DOK3: variants seen among roughly 807,000 people sequenced by gnomAD.
The protein encoded by DOK3 is docking protein 3.
Under a neutral mutation model 26.2 loss-of-function variants are expected in DOK3, and 23 were observed. That is an observed-to-expected ratio of 0.88 (90% CI 0.63 to 1.24). The LOEUF (loss-of-function observed/expected upper bound fraction) is 1.24, where lower values mean the gene tolerates loss of function less well. DOK3 is among the 50% of genes most tolerant of loss of function. The pLI, the probability that DOK3 is intolerant of heterozygous loss-of-function variation, is 0.00. For missense variants in DOK3, 619 were observed against 610.6 expected (o/e 1.01, Z -0.15); for synonymous variants, 268 against 268.2 (o/e 1.00, Z 0.01).
At chr5:177,510,115 C>A (rs337399), upstream of DOK3, 11 of 595,640 alleles carry the variant, frequency 1.8e-5, no homozygotes, top group East Asian at 2.8e-5. Flanking sequence ...CCCCACTGGG[C>A]CTCCATGCAG....
At position 177,508,480 on chromosome 5, in the gene DOK3, C is replaced by T. The variant is rs769576036; in HGVS notation, c.129G>A (p.Leu43=). 4.4e-6 allele frequency: 7 copies of T among 1,590,508 alleles called. No individual in the cohort carries two copies. The highest frequency in any genetic ancestry group is 1.3e-5 in the African/African-American group (1 of 74,576). Residue 43 remains leucine (L), a synonymous_variant, in exon 3 of 6, where the codon CTG becomes CTA. Coordinates refer to ENST00000510898, the MANE Select transcript of DOK3 (RefSeq NM_001308236.3). ...YAGGPSGVAR[L]ESWEVRDGGL... Reference sequence around the variant, plus strand: ...CACCATCCCGGACCTCCCAGCTCTCCAGCCGTGCCACGCCTGATGGGCCTC... The same window carrying T: ...CACCATCCCGGACCTCCCAGCTCTCTAGCCGTGCCACGCCTGATGGGCCTC...
chr5:177,506,191 T>C (rs1384702579), intron 3 of DOK3, among the ~76,000 whole-genome samples: 1 of 152,078 alleles, frequency 6.6e-6, no homozygotes, highest in African/African-American at 2.4e-5. Flanking sequence ...TGACCTCAGG[T>C]GATCCACGTG....
intron 1 of DOK3, 33 bp from the exon 2 acceptor site, chr5:177,509,690 G>T (rs778109626): frequency 2.5e-6 from 4 of 1,601,640 alleles, no homozygotes; most frequent in Admixed American, 3.4e-5. Context: ...CCTGTCTTCA[G>T]CTCAGGGGCT....
At chr5:177,506,880 G>A (rs1329712356) in intron 3 of DOK3, among the ~76,000 whole-genome samples, 5 of 149,580 alleles carry the variant, frequency 3.3e-5, no homozygotes, top group Non-Finnish European at 5.9e-5. Flanking sequence ...GTAGAGACGG[G>A]GTTTCTCCAT....
chr5:177,504,491 G>A lies in DOK3; in HGVS notation c.815C>T (p.Ala272Val). 6.3e-7 allele frequency: 1 copy of A among 1,585,516 alleles called. No homozygotes were observed. Among genetic ancestry groups the A allele is most frequent in the Non-Finnish European group, 8.6e-7 (1 of 1,168,828 alleles). The change falls in exon 6 of 6, where the codon GCC becomes GTC. Residue 272 changes from alanine (A) to valine (V), a missense_variant. Coordinates refer to ENST00000510898, the MANE Select transcript of DOK3 (RefSeq NM_001308236.3). ...TRPQPCPLPR[A>V]TSLPSLDTPG... is the part of the protein sequence containing the mutation. Reference sequence around the variant, plus strand: ...GGTGTCCAGGGAGGGCAGAGAGGTGGCCCGTGGCAGGGGGCAGGGCTGGGG... The same window carrying A: ...GGTGTCCAGGGAGGGCAGAGAGGTGACCCGTGGCAGGGGGCAGGGCTGGGG...
Position 177,509,523 on chromosome 5 carries a change from G to T in DOK3, c.18C>A (p.Thr6=). The T allele has an allele frequency of 6.2e-7, 1 of 1,610,700 alleles. No individual in the cohort carries two copies. The highest frequency in any genetic ancestry group is 8.5e-7 in the Non-Finnish European group (1 of 1,178,444). Residue 6 remains threonine, a synonymous_variant, in exon 2 of 6, where the codon ACC becomes ACA. Coordinates refer to ENST00000510898, the MANE Select transcript of DOK3 (RefSeq NM_001308236.3). MDPLE[T]PIKDGILYQQ... is the part of the protein sequence containing the mutation. ...GGTAGAGGATGCCATCCTTGATAGG[G>T]GTCTCCAGAGGGTCCATGGTCACGG...
At chr5:177,506,033 C>A (rs1760113176) in intron 3 of DOK3, among the ~76,000 whole-genome samples, 1 of 147,170 alleles carries the variant, frequency 6.8e-6, no homozygotes, top group Non-Finnish European at 1.5e-5. Flanking sequence ...CCACCGCGCC[C>A]AGCCCGCCTC....
Position 177,504,351 on chromosome 5 carries a change from CG to C in DOK3, c.954del (p.Asn318LysfsTer65). On this transcript the variant is annotated frameshift_variant, in exon 6 of 6. Coordinates refer to ENST00000510898, the MANE Select transcript of DOK3 (RefSeq NM_001308236.3). LOFTEE classifies it low-confidence loss of function (END_TRUNC). ...SLPLLLGPEP[N>X]DLASGLYASV... ...GAAGCGTAGAGCCCGGACGCCAGAT[CG>C]TTGGGCTCCGGGCCTAGCAGTAGCG... 6.3e-7 allele frequency: 1 copy of C among 1,578,834 alleles called. No individual in the cohort carries two copies. The highest frequency in any genetic ancestry group is 8.6e-7 in the Non-Finnish European group (1 of 1,159,552).
At position 177,504,016 on chromosome 5, in the gene DOK3, C is replaced by A. The variant is rs780247833; in HGVS notation, c.1290G>T (p.Arg430=). ...GGTCACAAGGGGCTGGGCCCTTCCT[C>A]CGCTCACGACTCAGCAGGGTCACCA... ...AKLVTLLSRE[R]RKGPAPCDRP The change falls in exon 6 of 6, where the codon CGG becomes CGT. Residue 430 remains arginine (R), a synonymous_variant. Transcript: ENST00000510898. 3.2e-6 allele frequency: 5 copies of A among 1,568,008 alleles called. No individual in the cohort carries two copies. Among genetic ancestry groups the A allele is most frequent in the Non-Finnish European group, 4.3e-6 (5 of 1,156,818 alleles).
chr5:177,502,063 C>T lies in DOK3; in HGVS notation c.*1920G>A, dbSNP rs1464899475. The T allele has an allele frequency of 6.6e-6, 1 of 152,240 alleles. No individual in the cohort carries two copies. Among genetic ancestry groups the T allele is most frequent in the African/African-American group, 2.4e-5 (1 of 41,412 alleles). The allele number at this position is 152,240 out of a possible 1,614,324, so 9.4% of individuals were successfully genotyped here. A position where few individuals can be genotyped will look rare whatever the true frequency, so the allele number is the denominator to read the frequency against. On this transcript the variant is annotated 3_prime_UTR_variant, in exon 6 of 6. Coordinates refer to ENST00000510898, the MANE Select transcript of DOK3 (RefSeq NM_001308236.3). ...AACTCAGAGAAGGCAGCAGTAGAGG[C>T]TGGGAAGGAGATTGTTATGAGGTAG...
chr5:177,504,949 C>A, intron 4 of DOK3, 34 bp from the exon 5 acceptor site: 1 of 1,576,736 alleles, frequency 6.3e-7, no homozygotes, highest in Non-Finnish European at 8.6e-7. Flanking sequence ...TCCGTCAGTC[C>A]CAAAAAGACC....
chr5:177,504,365 C>A lies in DOK3; in HGVS notation c.941G>T (p.Gly314Val). The change falls in exon 6 of 6, where the codon GGC becomes GTC. Residue 314 changes from glycine to valine, a missense_variant. By Grantham distance (109) the Gly-to-Val change is moderately radical. Transcript: ENST00000510898. ...PGPQSLPLLL[G>V]PEPNDLASGL... is the part of the protein sequence containing the mutation. ...GGACGCCAGATCGTTGGGCTCCGGG[C>A]CTAGCAGTAGCGGCAGGCTCTGGGG... The A allele has an allele frequency of 6.4e-7, 1 of 1,571,858 alleles. No individual in the cohort carries two copies. The highest frequency in any genetic ancestry group is 1.2e-5 in the South Asian group (1 of 84,766).
chr5:177,507,357 A>G (rs1338281716), intron 3 of DOK3, among the ~76,000 whole-genome samples: 1 of 151,970 alleles, frequency 6.6e-6, no homozygotes, highest in Non-Finnish European at 1.5e-5. Context: ...CATCTTGCGG[A>G]CGGACCACGT....
In DOK3 at chr5:177,504,154, C is replaced by T; in HGVS notation, c.1152G>A (p.Trp384Ter). 1 of 1,613,890 alleles carries T rather than the reference C, an allele frequency of 6.2e-7. No individual in the cohort carries two copies. The highest frequency in any genetic ancestry group is 8.5e-7 in the Non-Finnish European group (1 of 1,179,900). ...GGGTACTGTCGTTGGCCGGGCCGGG[C>T]CAGCTCAAGTCCTGGCCGTTGTGGT... The part of the protein sequence containing the change: ...PIYHNGQDLS[W>*]PGPANDSTLE... The change falls in exon 6 of 6, where the codon TGG (tryptophan) becomes TGA (stop). Residue 384 changes from tryptophan to a stop codon, truncating the protein, a stop_gained. Coordinates refer to ENST00000510898, the MANE Select transcript of DOK3 (RefSeq NM_001308236.3). LOFTEE classifies it low-confidence loss of function (END_TRUNC).
In DOK3 at chr5:177,504,483, G is replaced by T; in HGVS notation, c.823C>A (p.Leu275Met). 6.3e-7 allele frequency: 1 copy of T among 1,586,344 alleles called. No individual in the cohort carries two copies. The change falls in exon 6 of 6, where the codon CTG (leucine) becomes ATG (methionine). Residue 275 changes from leucine to methionine, a missense_variant. Transcript: ENST00000510898. ...TCTCCGGGGGTGTCCAGGGAGGGCA[G>T]AGAGGTGGCCCGTGGCAGGGGGCAG... ...QPCPLPRATS[L>M]PSLDTPGELR...
Position 177,503,191 on chromosome 5 carries a change from A to G in DOK3, c.*792T>C. 6.4e-7 allele frequency: 1 copy of G among 1,551,526 alleles called. No homozygotes were observed. The highest frequency in any genetic ancestry group is 8.7e-7 in the Non-Finnish European group (1 of 1,146,924). On this transcript the variant is annotated 3_prime_UTR_variant, in exon 6 of 6. Transcript: ENST00000510898. ...GAGCAGAGGAGGGAACGCAGCATGGAAGTCTTCAGGAAACTTCTCTCCCCC... is the reference window on the plus strand; with the variant it reads ...GAGCAGAGGAGGGAACGCAGCATGGGAGTCTTCAGGAAACTTCTCTCCCCC...
chr5:177,504,263 A>G lies in DOK3; in HGVS notation c.1043T>C (p.Leu348Pro). ...NEHLYENLCV[L>P]EASPTLHGGE... Reference sequence around the variant, plus strand: ...ACCGTGCAGCGTGGGGCTGGCCTCCAGCACACACAGGTTCTCATAGAGGTG... The same window carrying G: ...ACCGTGCAGCGTGGGGCTGGCCTCCGGCACACACAGGTTCTCATAGAGGTG... Residue 348 changes from leucine (L) to proline (P), a missense_variant, in exon 6 of 6, where the codon CTG (leucine) becomes CCG (proline). Transcript: ENST00000510898. The G allele has an allele frequency of 6.2e-7, 1 of 1,610,100 alleles. No individual in the cohort carries two copies.
chr5:177,503,054 G>GC lies in DOK3; in HGVS notation c.*928dup. 6.5e-7 allele frequency: 1 copy of GC among 1,536,820 alleles called. No homozygotes were observed. Among genetic ancestry groups the GC allele is most frequent in the African/African-American group, 1.4e-5 (1 of 72,924 alleles). On this transcript the variant is annotated 3_prime_UTR_variant, in exon 6 of 6. Coordinates refer to ENST00000510898, the MANE Select transcript of DOK3 (RefSeq NM_001308236.3). ...GTCATGAAAATGAGGTTCAGGATGT[G>GC]CCAAGGGTGTGTGCAGCTGAGGTGG...
At chr5:177,507,955 CCT>C (rs1040150776) in intron 3 of DOK3, among the ~76,000 whole-genome samples, 4 of 152,246 alleles carry the variant, frequency 2.6e-5, no homozygotes, top group African/African-American at 4.8e-5. Flanking sequence ...CCAGGCTGCC[CCT>C]GTCCTCAGAC....
Sources: allele counts gnomAD v4.1 joint callset (sites outside exome capture counted in the v4.1 genomes callset), GRCh38; gene constraint gnomAD v4.1.1; transcripts MANE v1.5; gene names NCBI Gene and HGNC (gene_info 2026-07-23, HGNC 2026-07-21).